Variants in MFSD12 observed in about 807,000 individuals in gnomAD.
MFSD12 encodes major facilitator superfamily domain-containing protein 12.
A neutral mutation model predicts 51.2 loss-of-function variants in MFSD12; 67 were observed. The observed-to-expected ratio is 1.31, with a 90% CI of 1.08 to 1.60. The LOEUF is 1.60. MFSD12 is among the 40% of genes most tolerant of loss of function. The pLI, the probability that MFSD12 is intolerant of heterozygous loss-of-function variation, is 0.00. For missense variants in MFSD12, 921 were observed against 673.0 expected (o/e 1.37, Z -4.08); for synonymous variants, 441 against 316.7 (o/e 1.39, Z -4.17).
downstream of MFSD12, chr19:3,543,563 C>T (rs1449158848): frequency 3.9e-6 from 6 of 1,539,838 alleles, no homozygotes; most frequent in Non-Finnish European, 5.2e-6. Context: ...AGCCTACACC[C>T]AGCACCTGCG....
At position 3,539,099 on chromosome 19, in the gene MFSD12, C is replaced by G. The variant is rs573449521; in HGVS notation, c.*6-343G>C. 4.2e-6 allele frequency: 4 copies of G among 950,362 alleles called. No individual in the cohort carries two copies. In the African/African-American group the frequency reaches 4.9e-5, roughly 12 times the overall value. The allele number at this position is 950,362 out of a possible 1,614,324, so 58.9% of individuals were successfully genotyped here. A position where few individuals can be genotyped will look rare whatever the true frequency, so the allele number is the denominator to read the frequency against. ...AGGAGGGAGTGGTCAGCGTGGTTGC[C>G]GAGACACTGGGTGGCCTTTATGCTG... On this transcript the variant is annotated intron_variant, in intron 4 of 4. Transcript: ENST00000398558.
downstream of MFSD12, chr19:3,544,032 C>T (rs928590787): frequency 1.6e-5 from 24 of 1,516,670 alleles, no homozygotes; most frequent in African/African-American, 2.8e-5. Flanking sequence ...CAGGATGCAC[C>T]CACTGTCTCT....
intron 8 of MFSD12, 39 bp from the exon 9 acceptor site, chr19:3,544,978 A>G (rs2030857404): frequency 1.3e-6 from 2 of 1,563,500 alleles, no homozygotes; most frequent in Admixed American, 1.8e-5. Context: ...CACCGCGGGT[A>G]CCACCCCCCC....
rs200853625 is a variant in MFSD12 at position 3,546,240 on chromosome 19, G to A, written c.1194+15C>T. The A allele has an allele frequency of 8.7e-6, 14 of 1,607,070 alleles. No individual in the cohort carries two copies. Among genetic ancestry groups the A allele is most frequent in the African/African-American group, 5.3e-5 (4 of 74,966 alleles). On this transcript the variant is annotated intron_variant, in intron 7 of 9. Coordinates refer to ENST00000355415, the MANE Select transcript of MFSD12 (RefSeq NM_174983.5). ...GACCCGGCCTCCCCCACCCCAGCCT[G>A]GCTACCAGCCCTACCGTGTGGGGAC...
chr19:3,546,170 T>C lies in MFSD12; in HGVS notation c.1195-2A>G, dbSNP rs748761847. On this transcript the variant is annotated splice_acceptor_variant, in intron 7 of 9. Transcript: ENST00000355415. LOFTEE classifies it high-confidence loss of function. ...GCCGTACACGAACGCTCCGCTGTTC[T>C]GTGGAGACACAGGCGAGGTGGTCAG... The C allele has an allele frequency of 3.7e-5, 60 of 1,612,640 alleles. No individual in the cohort carries two copies. The highest frequency in any genetic ancestry group is 4.8e-5 in the Non-Finnish European group (57 of 1,179,710).
downstream of MFSD12, chr19:3,539,399 T>C: frequency 1.7e-6 from 1 of 605,650 alleles, no homozygotes; most frequent in Non-Finnish European, 3.0e-6. Flanking sequence ...TGACGTCCCC[T>C]CCAGCTCTTC....
Position 3,547,287 on chromosome 19 carries a change from C to T in MFSD12, c.1008G>A (p.Lys336=), listed in dbSNP as rs776061271. 56 of 1,613,000 alleles carry T rather than the reference C, an allele frequency of 3.5e-5. No individual in the cohort carries two copies. Among genetic ancestry groups the T allele is most frequent in the Non-Finnish European group, 4.7e-5 (55 of 1,179,826 alleles). ...GCCCACTCACGTTCCTCCCAATGCA[C>T]TTGTTGATGGGCTTCATGAGGAAGG... ...LSSFLMKPIN[K]CIGRNMTYFS... Residue 336 remains lysine (K), a synonymous_variant, in exon 6 of 10, where the codon AAG becomes AAA. Transcript: ENST00000355415.
chr19:3,547,379 C>T lies in MFSD12; in HGVS notation c.931-15G>A. 8 of 1,612,982 alleles carry T rather than the reference C, an allele frequency of 5.0e-6. No homozygotes were observed. The highest frequency in any genetic ancestry group is 6.8e-6 in the Non-Finnish European group (8 of 1,179,744). ...GCGATGAACTTCTGCGGAGGCAGAGCCAGGCATGCCGTGTCAGTCATGGCT... is the reference window on the plus strand; with the variant it reads ...GCGATGAACTTCTGCGGAGGCAGAGTCAGGCATGCCGTGTCAGTCATGGCT... On this transcript the variant is annotated splice_polypyrimidine_tract_variant and intron_variant, in intron 5 of 9. Coordinates refer to ENST00000355415, the MANE Select transcript of MFSD12 (RefSeq NM_174983.5).
chr19:3,538,650 G>C (rs563499380), exon 5 of MFSD12: 2 of 348,476 alleles, frequency 5.7e-6, no homozygotes, highest in Non-Finnish European at 1.1e-5. Context: ...GTTCCAGCAC[G>C]GTGGCGGCGC....
intron 6 of MFSD12, 128 bp from the exon 7 acceptor site, chr19:3,546,553 G>T: frequency 8.7e-7 from 1 of 1,145,950 alleles, no homozygotes; most frequent in Non-Finnish European, 1.2e-6. Context: ...AGGAGCCCTG[G>T]CTCTGGCCCT....
intron 1 of MFSD12, among the ~76,000 whole-genome samples, chr19:3,555,394 C>T (rs557822949): frequency 3.4e-4 from 51 of 152,204 alleles, no homozygotes; most frequent in Non-Finnish European, 5.1e-4. Flanking sequence ...CCACCGTGCC[C>T]GGCCCGCCCA....
At position 3,548,254 on chromosome 19, in the gene MFSD12, C is replaced by A; in HGVS notation, c.523G>T (p.Val175Leu). 2 of 1,549,770 alleles carry A rather than the reference C, an allele frequency of 1.3e-6. No individual in the cohort carries two copies. Among genetic ancestry groups the A allele is most frequent in the Non-Finnish European group, 1.7e-6 (2 of 1,147,796 alleles). ...ELTALRYAFT[V>L]VANITVYGAA... ...CCGTAGACGGTGATGTTGGCCACCA[C>A]GGTGAACGCATACCTGGCGGGCAGG... Residue 175 changes from valine to leucine, a missense_variant, in exon 3 of 10, where the codon GTG becomes TTG. Val to Leu is a conservative substitution (Grantham distance 32, BLOSUM62 1). Transcript: ENST00000355415.
intron 2 of MFSD12, among the ~76,000 whole-genome samples, chr19:3,549,601 T>C (rs996603911): frequency 1.3e-5 from 2 of 151,220 alleles, no homozygotes; most frequent in African/African-American, 4.9e-5. Flanking sequence ...CGGGTGCCTG[T>C]AGTCCCAGCT....
At chr19:3,542,605 C>T, downstream of MFSD12, 1 of 748,648 alleles carries the variant, frequency 1.3e-6, no homozygotes, top group African/African-American at 1.9e-5. Flanking sequence ...TCCTGAGTAG[C>T]TGGGATTACA....
At chr19:3,540,575 A>G (rs920104527), downstream of MFSD12, among the ~76,000 whole-genome samples, 1 of 151,832 alleles carries the variant, frequency 6.6e-6, no homozygotes, top group Non-Finnish European at 1.5e-5. Context: ...CATCTCTATA[A>G]AAAATTTAAA....
At chr19:3,539,963 A>C (rs1199033218), downstream of MFSD12, 1 of 152,188 alleles carries the variant, frequency 6.6e-6, no homozygotes, top group African/African-American at 2.4e-5. Flanking sequence ...AATTAAACCA[A>C]GATGGTGGCT....
rs2030815556 is a variant in MFSD12 at position 3,544,793 on chromosome 19, G to T, written c.1420+16C>A. 1.2e-6 allele frequency: 2 copies of T among 1,609,634 alleles called. No homozygotes were observed. Among genetic ancestry groups the T allele is most frequent in the Admixed American group, 3.3e-5 (2 of 59,768 alleles). On this transcript the variant is annotated intron_variant, in intron 9 of 9. Transcript: ENST00000355415. ...TGGGTCAGTGTCTGGGGAGGGAGGG[G>T]TGGGCCAGGACTCACAGCGTCGCAG...
At chr19:3,543,307 G>C, downstream of MFSD12, 1 of 1,549,128 alleles carries the variant, frequency 6.5e-7, no homozygotes. Flanking sequence ...GGAAGTACAC[G>C]CCCATGGGAC....
At chr19:3,553,728 CAAAAAAAAAAAAAA>C (rs35093968) in intron 1 of MFSD12, among the ~76,000 whole-genome samples, 1 of 61,332 alleles carries the variant, frequency 1.6e-5, no homozygotes, top group African/African-American at 7.5e-5. Context: ...CTCCATCTCT[CAAAAAAAAAAAAAA>C]AAAAAAAAAA....
Sources: gnomAD v4.1 joint callset for allele counts (sites outside exome capture counted in the v4.1 genomes callset) on GRCh38, gnomAD v4.1.1 for gene constraint, MANE v1.5 for transcripts, NCBI Gene and HGNC (gene_info 2026-07-23, HGNC 2026-07-21) for gene names.